TMEM40: variants seen among roughly 807,000 people sequenced by gnomAD.
The protein encoded by TMEM40 is transmembrane protein 40.
In TMEM40, 34 loss-of-function variants were observed where a neutral mutation model predicts 40.8. The ratio of observed to expected loss-of-function variants is 0.83; its 90% CI spans 0.63 to 1.11. TMEM40 has a LOEUF of 1.11. Ranked by LOEUF, TMEM40 falls within the 50% of genes least tolerant of loss-of-function variation. The pLI, the probability that TMEM40 is intolerant of heterozygous loss-of-function variation, is 0.00. For synonymous variants in TMEM40, 106 were observed against 107.0 expected (o/e 0.99, Z 0.06); for missense variants, 296 against 280.2 (o/e 1.06, Z -0.40).
At chr3:12,739,933 C>T (rs1033898088) in intron 5 of TMEM40, among the ~76,000 whole-genome samples, 1 of 150,822 alleles carries the variant, frequency 6.6e-6, no homozygotes, top group Non-Finnish European at 1.5e-5. Context: ...AAGCAATCTT[C>T]CTGCCTCAGC....
chr3:12,737,170 A>G (rs1349889983), intron 8 of TMEM40, among the ~76,000 whole-genome samples: 1 of 147,498 alleles, frequency 6.8e-6, no homozygotes, highest in African/African-American at 2.5e-5. Flanking sequence ...GTGAGCCACC[A>G]TGCCTGGCCT....
rs374132552 is a variant in TMEM40 at position 12,736,845 on chromosome 3, C to T, written c.473-10G>A. ...AAATGGAAAAACTCATCTGTGAAGG[C>T]AGGGGTGGGCAATCACTATCTGCTG... On this transcript the variant is annotated splice_polypyrimidine_tract_variant and intron_variant, in intron 8 of 11. Transcript: ENST00000314124. 1.2e-6 allele frequency: 2 copies of T among 1,614,018 alleles called. No individual in the cohort carries two copies. Among genetic ancestry groups the T allele is most frequent in the Non-Finnish European group, 1.7e-6 (2 of 1,180,008 alleles).
chr3:12,766,377 C>G (rs961459479), intron 1 of TMEM40, among the ~76,000 whole-genome samples: 4 of 152,022 alleles, frequency 2.6e-5, no homozygotes, highest in African/African-American at 9.7e-5. Context: ...GGGCGGATCA[C>G]GAGGTCAGGA....
chr3:12,755,866 T>G (rs1308426427), intron 1 of TMEM40, among the ~76,000 whole-genome samples: 1 of 152,180 alleles, frequency 6.6e-6, no homozygotes, highest in Admixed American at 6.5e-5. Context: ...AATTTGAGGC[T>G]CAAATGAAAC....
chr3:12,764,044 T>C (rs1417670794), upstream of TMEM40, among the ~76,000 whole-genome samples: 1 of 152,042 alleles, frequency 6.6e-6, no homozygotes, highest in Non-Finnish European at 1.5e-5. Context: ...GCCTCCCAAG[T>C]AGCTGGGATT....
Position 12,735,588 on chromosome 3 carries a change from A to G in TMEM40, c.649T>C (p.Phe217Leu). ...CTAAACTTCTGGAAGAGGGGGATGA[A>G]GCCTTGGAGGACGCTGTGGATACGG... Reference protein sequence around the residue: ...VYRIHSVLQGFIPLFQKFRLT... With the variant: ...VYRIHSVLQGLIPLFQKFRLT... Residue 217 changes from phenylalanine to leucine, a missense_variant, in exon 11 of 12, where the codon TTC becomes CTC. Physicochemically the swap from Phe to Leu is conservative, Grantham distance 22. Coordinates refer to ENST00000314124, the MANE Select transcript of TMEM40 (RefSeq NM_018306.4). 6.2e-7 allele frequency: 1 copy of G among 1,613,578 alleles called. No homozygotes were observed. Among genetic ancestry groups the G allele is most frequent in the Non-Finnish European group, 8.5e-7 (1 of 1,179,840 alleles).
Position 12,734,934 on chromosome 3 carries a change from A to C in TMEM40, c.683-141T>G, listed in dbSNP as rs1438900965. ...GAAGCCATGGGTCTCAATGAACCAC[A>C]GTCATAATAGCTAGTTTTCTTTTTC... On this transcript the variant is annotated intron_variant, in intron 11 of 11. Transcript: ENST00000314124. The C allele has an allele frequency of 5.9e-6, 5 of 840,400 alleles. No individual in the cohort carries two copies. In the East Asian group the frequency reaches 1.3e-4, roughly 23 times the overall value. 52.1% of individuals were successfully genotyped at this position (840,400 alleles called of 1,614,324 possible).
upstream of TMEM40, among the ~76,000 whole-genome samples, chr3:12,761,605 C>A (rs1474171240): frequency 9.6e-5 from 14 of 145,774 alleles, no homozygotes; most frequent in South Asian, 2.2e-4. Flanking sequence ...GATCTCATCT[C>A]AAAAAAAAAA....
At chr3:12,752,271 C>G (rs574002459) in intron 1 of TMEM40, among the ~76,000 whole-genome samples, 8 of 152,260 alleles carry the variant, frequency 5.3e-5, no homozygotes, top group African/African-American at 1.9e-4. Context: ...TTCACTAGAT[C>G]ACGAATGCAG....
In TMEM40 at chr3:12,738,108, G is replaced by A. The variant is rs776175885; in HGVS notation, c.424+28C>T. ...TCGTCTGGAATCCACACCCGCTCTG[G>A]CTCTCCTATTTGAGCTTGTGTATTT... is the stretch of plus-strand genomic sequence containing the variant. On this transcript the variant is annotated intron_variant, in intron 7 of 11. Coordinates refer to ENST00000314124, the MANE Select transcript of TMEM40 (RefSeq NM_018306.4). The A allele has an allele frequency of 8.7e-6, 14 of 1,613,044 alleles. No individual in the cohort carries two copies. The East Asian group carries it at 2.2e-4, about 26-fold the overall frequency.
intron 3 of TMEM40, among the ~76,000 whole-genome samples, chr3:12,744,749 T>G (rs936456561): frequency 6.6e-6 from 1 of 152,126 alleles, no homozygotes; most frequent in Non-Finnish European, 1.5e-5. Flanking sequence ...GAAGACTCCT[T>G]TATCCCAAGA....
At chr3:12,751,288 TTC>T (rs1228368688) in intron 1 of TMEM40, among the ~76,000 whole-genome samples, 5 of 148,712 alleles carry the variant, frequency 3.4e-5, no homozygotes, top group African/African-American at 1.2e-4. Context: ...CGTTTTTTTT[TTC>T]TGTTTTTTGA....
chr3:12,755,237 T>C (rs4684114), intron 1 of TMEM40, among the ~76,000 whole-genome samples: 721 of 46,260 alleles, frequency 0.016, 8 homozygotes, highest in South Asian at 0.044. Context: ...CTCTCTCTCT[T>C]TCTTTCTTTC....
At chr3:12,761,765 C>T (rs568357092), upstream of TMEM40, among the ~76,000 whole-genome samples, 6 of 152,094 alleles carry the variant, frequency 3.9e-5, no homozygotes, top group East Asian at 1.9e-4. Flanking sequence ...CTCTGCTGTC[C>T]GAACAGTAGC....
Position 12,737,749 on chromosome 3 carries a change from C to G in TMEM40, c.430G>C (p.Val144Leu), listed in dbSNP as rs186695288. ...RRGSDPASGE[V>L]EASQLRRLNI... Reference sequence around the variant, plus strand: ...AGTCTTCTTAACTGAGAGGCCTCCACTTCTCCTTAAGAACAAGAGAGAGAT... The same window carrying G: ...AGTCTTCTTAACTGAGAGGCCTCCAGTTCTCCTTAAGAACAAGAGAGAGAT... Residue 144 changes from valine (V) to leucine (L), a missense_variant, in exon 8 of 12, where the codon GTG becomes CTG. By Grantham distance (32) the Val-to-Leu change is conservative (BLOSUM62 1). Coordinates refer to ENST00000314124, the MANE Select transcript of TMEM40 (RefSeq NM_018306.4). 3.1e-6 allele frequency: 5 copies of G among 1,614,014 alleles called. No individual in the cohort carries two copies. Among genetic ancestry groups the G allele is most frequent in the African/African-American group, 2.7e-5 (2 of 75,046 alleles).
At chr3:12,747,841 G>A (rs2061440912) in intron 3 of TMEM40, among the ~76,000 whole-genome samples, 1 of 150,410 alleles carries the variant, frequency 6.6e-6, no homozygotes, top group African/African-American at 2.5e-5. Flanking sequence ...AGCCCAGGAG[G>A]CGGAGGTTGC....
At chr3:12,738,950 T>A (rs2061360578) in intron 5 of TMEM40, 1 of 249,814 alleles carries the variant, frequency 4.0e-6, no homozygotes, top group Non-Finnish European at 8.1e-6. Context: ...GTCAAGAGAC[T>A]GAGACCATTC....
chr3:12,755,229 CTCTCTCTTTCTTTCTT>C (rs1193097583), intron 1 of TMEM40, among the ~76,000 whole-genome samples: 16 of 65,552 alleles, frequency 2.4e-4, no homozygotes, highest in African/African-American at 4.5e-4. Context: ...CTCTCTCTCT[CTCTCTCTTTCTTTCTT>C]TCTTTCTTTC....
intron 1 of TMEM40, among the ~76,000 whole-genome samples, chr3:12,750,729 C>T (rs2061469202): frequency 1.3e-5 from 2 of 152,176 alleles, no homozygotes; most frequent in Admixed American, 6.6e-5. Context: ...ACTACAGGCA[C>T]GTGCCACTGT....
Sources: allele counts gnomAD v4.1 joint callset (sites outside exome capture counted in the v4.1 genomes callset), GRCh38; gene constraint gnomAD v4.1.1; transcripts MANE v1.5; gene names NCBI Gene and HGNC (gene_info 2026-07-23, HGNC 2026-07-21).